The following MAP3K13 variants were observed in gnomAD, a reference collection of about 807,000 sequenced individuals.
MAP3K13 encodes leucine zipper-bearing kinase.
A neutral mutation model predicts 104.0 loss-of-function variants in MAP3K13; 52 were observed. The observed-to-expected ratio is 0.50, with a 90% confidence interval of 0.40 to 0.63. The LOEUF is 0.63. Among genes scored for constraint, MAP3K13 ranks in the 20% least tolerant of loss-of-function variants. MAP3K13 has a pLI of 0.00. For missense variants in MAP3K13, 914 were observed against 1,218.5 expected (o/e 0.75, Z 3.72); for synonymous variants, 394 against 442.2 (o/e 0.89, Z 1.37).
At chr3:185,365,150 C>A (rs1209809091) in intron 1 of MAP3K13, among the ~76,000 whole-genome samples, 1 of 152,126 alleles carries the variant, frequency 6.6e-6, no homozygotes, top group African/African-American at 2.4e-5. Context: ...TACTTTAAGG[C>A]ACAGAGCAGA....
In MAP3K13 at chr3:185,391,392, T is replaced by G. The variant is rs77490214; in HGVS notation, c.-86+28024T>G. Among the ~76,000 whole-genome samples the G allele has an allele frequency of 3.7e-3, 557 of 152,360 alleles. 1 individual carries two copies. The highest frequency in any genetic ancestry group is 0.013 in the African/African-American group (543 of 41,594). On this transcript the variant is annotated intron_variant, in intron 1 of 13. Coordinates refer to ENST00000265026, the MANE Select transcript of MAP3K13 (RefSeq NM_004721.5). ...TTCAAGACTTATCCATATTGTAGCATGTGCTGTCACTTCCTTTCTTTTTAA... is the reference window on the plus strand; with the variant it reads ...TTCAAGACTTATCCATATTGTAGCAGGTGCTGTCACTTCCTTTCTTTTTAA...
intron 8 of MAP3K13, among the ~76,000 whole-genome samples, chr3:185,464,334 T>C (rs879347554): frequency 2.0e-5 from 3 of 152,114 alleles, no homozygotes; most frequent in African/African-American, 4.8e-5. Flanking sequence ...ATCACTGATA[T>C]GGTTTGGCTC....
intron 11 of MAP3K13, chr3:185,477,052 C>CTT (rs1270738666): frequency 1.7e-6 from 1 of 578,228 alleles, no homozygotes; most frequent in East Asian, 3.8e-5. Flanking sequence ...CCTCTGGACA[C>CTT]TTTAATAGAG....
intron 2 of MAP3K13, chr3:185,292,822 C>G (rs1720790218): frequency 1.0e-6 from 1 of 984,612 alleles, no homozygotes; most frequent in African/African-American, 1.7e-5. Context: ...ATATATATTC[C>G]CCTAAAATTA....
chr3:185,325,062 A>T (rs1481306258), intron 2 of MAP3K13, among the ~76,000 whole-genome samples: 7 of 152,248 alleles, frequency 4.6e-5, no homozygotes, highest in Non-Finnish European at 1.0e-4. Flanking sequence ...CTCTATTCTC[A>T]ATCTTGACTG....
chr3:185,393,652 G>A (rs1209048624), intron 1 of MAP3K13, among the ~76,000 whole-genome samples: 1 of 151,960 alleles, frequency 6.6e-6, no homozygotes, highest in Non-Finnish European at 1.5e-5. Context: ...TAGAGTTGGG[G>A]TTTCACCGTG....
At chr3:185,427,904 C>G (rs1416306832) in intron 1 of MAP3K13, among the ~76,000 whole-genome samples, 2 of 151,980 alleles carry the variant, frequency 1.3e-5, no homozygotes, top group African/African-American at 4.8e-5. Flanking sequence ...CATACAGAAA[C>G]CCTGTCTCTA....
At chr3:185,318,696 T>C (rs1400505761) in intron 2 of MAP3K13, among the ~76,000 whole-genome samples, 1 of 152,202 alleles carries the variant, frequency 6.6e-6, no homozygotes, top group African/African-American at 2.4e-5. Context: ...ATGCTTTCAG[T>C]CCCTCCTGTT....
intron 7 of MAP3K13, among the ~76,000 whole-genome samples, chr3:185,455,552 TGATATATATGAGATATATATGA>T (rs1716541502): frequency 3.9e-5 from 2 of 51,514 alleles, no homozygotes; most frequent in Admixed American, 3.1e-4. Flanking sequence ...GACATATATA[TGATATATATGAGATATATATGA>T]CATATATATG....
chr3:185,366,078 T>C (rs1431554558), intron 1 of MAP3K13, among the ~76,000 whole-genome samples: 2 of 150,696 alleles, frequency 1.3e-5, no homozygotes, highest in African/African-American at 4.9e-5. Context: ...AGAAACCACA[T>C]ACCCATTAGC....
intron 1 of MAP3K13, among the ~76,000 whole-genome samples, chr3:185,382,119 G>C (rs1381425048): frequency 6.6e-6 from 1 of 152,166 alleles, no homozygotes; most frequent in Non-Finnish European, 1.5e-5. Context: ...TGAAACTGCA[G>C]ATAGTATCGA....
At chr3:185,365,928 C>T (rs1284648223) in intron 1 of MAP3K13, among the ~76,000 whole-genome samples, 1 of 30,378 alleles carries the variant, frequency 3.3e-5, no homozygotes, top group African/African-American at 8.5e-5. Context: ...TCCCCTTTCC[C>T]TTCCCTCCCT....
intron 12 of MAP3K13, among the ~76,000 whole-genome samples, chr3:185,477,875 C>G (rs1388985464): frequency 6.6e-6 from 1 of 152,136 alleles, no homozygotes; most frequent in African/African-American, 2.4e-5. Flanking sequence ...TTGCAGACAG[C>G]CACCTTCTTG....
At chr3:185,388,692 T>C (rs1014059835) in intron 1 of MAP3K13, among the ~76,000 whole-genome samples, 1 of 151,994 alleles carries the variant, frequency 6.6e-6, no homozygotes, top group African/African-American at 2.4e-5. Flanking sequence ...AATCCTAAAA[T>C]TCATACGGAA....
At chr3:185,388,573 C>T (rs973506045) in intron 1 of MAP3K13, among the ~76,000 whole-genome samples, 5 of 151,986 alleles carry the variant, frequency 3.3e-5, no homozygotes, top group Admixed American at 6.6e-5. Context: ...GCTCATGGAT[C>T]GGAAGAATTA....
chr3:185,365,005 AT>A (rs1723803099), intron 1 of MAP3K13, among the ~76,000 whole-genome samples: 1 of 152,204 alleles, frequency 6.6e-6, no homozygotes, highest in Admixed American at 6.5e-5. Context: ...TATTTAAAAA[AT>A]GTTGTTTAAT....
rs530859207 is a variant in MAP3K13, at chr3:185,381,894, C to T, written c.-86+18526C>T. ...CTTACAGAAACCTAACCCTATACTT[C>T]CCCTAGGAGCAATGGCTCAATATTC... On this transcript the variant is annotated intron_variant, in intron 1 of 13. Coordinates refer to ENST00000265026, the MANE Select transcript of MAP3K13 (RefSeq NM_004721.5). Among the ~76,000 whole-genome samples the T allele has an allele frequency of 2.6e-5, 4 of 152,344 alleles. No homozygotes were observed. The East Asian group carries it at 7.7e-4, about 29-fold the overall frequency.
At chr3:185,459,468 A>G (rs1258722164) in intron 7 of MAP3K13, among the ~76,000 whole-genome samples, 1 of 152,096 alleles carries the variant, frequency 6.6e-6, no homozygotes. Flanking sequence ...TTTTTTTGAG[A>G]CAGAGTTTCG....
At position 185,378,421 on chromosome 3, in the gene MAP3K13, C is replaced by T. The variant is rs116699096; in HGVS notation, c.-86+15053C>T. 6.1e-3 allele frequency among the ~76,000 whole-genome samples: 925 copies of T among 152,282 alleles called. 8 individuals are homozygous for T. The highest frequency in any genetic ancestry group is 0.02 in the African/African-American group (836 of 41,552). On this transcript the variant is annotated intron_variant, in intron 1 of 13. Coordinates refer to ENST00000265026, the MANE Select transcript of MAP3K13 (RefSeq NM_004721.5). ...GGGATAAAGAAAAAAGAGCACTAACCTTGACTATGCCTTTAGCTCCAGCCA... is the reference window on the plus strand; with the variant it reads ...GGGATAAAGAAAAAAGAGCACTAACTTTGACTATGCCTTTAGCTCCAGCCA...
Sources: allele counts gnomAD v4.1 joint callset (sites outside exome capture counted in the v4.1 genomes callset), GRCh38; gene constraint gnomAD v4.1.1; transcripts MANE v1.5; gene names NCBI Gene and HGNC (gene_info 2026-07-23, HGNC 2026-07-21).